The following MAP7 variants were observed in gnomAD, a reference collection of about 807,000 sequenced individuals.
The protein encoded by MAP7 is microtubule associated protein 7.
A neutral mutation model predicts 94.8 loss-of-function variants in MAP7; 52 were observed. That is an observed-to-expected ratio of 0.55 (90% CI 0.44 to 0.69). The LOEUF is 0.69. Among genes scored for constraint, MAP7 ranks in the 30% least tolerant of loss-of-function variants. The pLI, the probability that MAP7 is intolerant of heterozygous loss-of-function variation, is 0.00. For missense variants in MAP7, 940 were observed against 964.6 expected, an observed-to-expected ratio of 0.97 and a Z score of 0.34; for synonymous variants, 350 against 357.0, an observed-to-expected ratio of 0.98 and a Z score of 0.22.
At chr6:136,488,501 G>A (rs982718282) in intron 1 of MAP7, among the ~76,000 whole-genome samples, 3 of 150,506 alleles carry the variant, frequency 2.0e-5, no homozygotes, top group African/African-American at 7.4e-5. Context: ...CTGGAGAGTG[G>A]TGGTGCGATC....
At chr6:136,418,808 G>A (rs982744387) in intron 2 of MAP7, among the ~76,000 whole-genome samples, 1 of 151,822 alleles carries the variant, frequency 6.6e-6, no homozygotes, top group Non-Finnish European at 1.5e-5. Context: ...ACATTCCTAT[G>A]ACCCGTATCC....
At chr6:136,360,940 C>A in intron 12 of MAP7, 65 bp downstream of exon 12, 1 of 1,546,686 alleles carries the variant, frequency 6.5e-7, no homozygotes, top group Non-Finnish European at 8.7e-7. Context: ...CCGCACCCTC[C>A]TCTGCTGGGC....
Position 136,344,152 on chromosome 6 carries a change from T to C in MAP7, c.*76A>G. On this transcript the variant is annotated 3_prime_UTR_variant, in exon 18 of 18. Transcript: ENST00000354570. ...AGAAAACGGGTGGAGGGGATGCTCCTTTATAGCAGGAAAGGAATTCCATTA... is the reference window on the plus strand; with the variant it reads ...AGAAAACGGGTGGAGGGGATGCTCCCTTATAGCAGGAAAGGAATTCCATTA... 2 of 755,672 alleles carry C rather than the reference T, an allele frequency of 2.6e-6. No homozygotes were observed. The allele number at this position is 755,672 out of a possible 1,614,324, so 46.8% of individuals were successfully genotyped here. A position where few individuals can be genotyped will look rare whatever the true frequency, so the allele number is the denominator to read the frequency against.
chr6:136,424,852 G>A (rs1792660746), intron 1 of MAP7, among the ~76,000 whole-genome samples: 1 of 152,200 alleles, frequency 6.6e-6, no homozygotes, highest in Non-Finnish European at 1.5e-5. Flanking sequence ...ATAATATGGG[G>A]ACTTGACATC....
intron 1 of MAP7, among the ~76,000 whole-genome samples, chr6:136,525,541 T>C (rs1827588542): frequency 1.3e-5 from 2 of 152,188 alleles, no homozygotes; most frequent in South Asian, 2.1e-4. Flanking sequence ...ACAGAGTGAC[T>C]GGTCACTGCT....
intron 1 of MAP7, among the ~76,000 whole-genome samples, chr6:136,468,157 C>G (rs1000691039): frequency 6.6e-6 from 1 of 152,168 alleles, no homozygotes; most frequent in Non-Finnish European, 1.5e-5. Flanking sequence ...TGGGCAACAC[C>G]TTGCGTGCAT....
chr6:136,358,652 T>C (rs570813462), intron 15 of MAP7, among the ~76,000 whole-genome samples: 11 of 152,318 alleles, frequency 7.2e-5, no homozygotes, highest in East Asian at 1.9e-4. Context: ...ACATAAACCG[T>C]TGGATTTGAT....
chr6:136,462,895 G>C (rs1805704581), intron 1 of MAP7, among the ~76,000 whole-genome samples: 2 of 149,296 alleles, frequency 1.3e-5, no homozygotes. Flanking sequence ...CTGGGAGGCA[G>C]AGGTTGCAGT....
intron 1 of MAP7, among the ~76,000 whole-genome samples, chr6:136,429,857 G>A (rs1582888499): frequency 2.0e-5 from 3 of 152,186 alleles, no homozygotes; most frequent in Admixed American, 6.5e-5. Flanking sequence ...TTCCCCTTGC[G>A]TTAATATAAA....
Position 136,472,989 on chromosome 6 carries a change from C to T in MAP7, c.68-51190G>A, listed in dbSNP as rs1424235276. Among the ~76,000 whole-genome samples the T allele has an allele frequency of 2.0e-5, 3 of 152,168 alleles. No homozygotes were observed. In the South Asian group the frequency reaches 6.2e-4, roughly 31 times the overall value. ...AAGAATTATTCCCATTCCCAGATATCCCATGGTTTTACAGAATGGATGCAC... is the reference window on the plus strand; with the variant it reads ...AAGAATTATTCCCATTCCCAGATATTCCATGGTTTTACAGAATGGATGCAC... On this transcript the variant is annotated intron_variant, in intron 1 of 17. Coordinates refer to ENST00000354570, the MANE Select transcript of MAP7 (RefSeq NM_003980.6).
At chr6:136,454,666 A>T (rs1192047331) in intron 1 of MAP7, among the ~76,000 whole-genome samples, 2 of 151,086 alleles carry the variant, frequency 1.3e-5, no homozygotes, top group Non-Finnish European at 3.0e-5. Context: ...GCATTTTGGG[A>T]GGCTGAGGCG....
chr6:136,352,831 C>T (rs1789614619), intron 16 of MAP7, among the ~76,000 whole-genome samples: 1 of 152,228 alleles, frequency 6.6e-6, no homozygotes, highest in South Asian at 2.1e-4. Flanking sequence ...AACCTTGAAA[C>T]TGCAAAGAGC....
Position 136,409,595 on chromosome 6 carries a change from C to A in MAP7, c.244+2025G>T, listed in dbSNP as rs1397280232. 2.6e-5 allele frequency among the ~76,000 whole-genome samples: 4 copies of A among 152,324 alleles called. No homozygotes were observed. In the East Asian group the frequency reaches 5.8e-4, roughly 22 times the overall value. On this transcript the variant is annotated intron_variant, in intron 3 of 17. Transcript: ENST00000354570. ...TGCACATTGCTGTATAATGCCTGCT[C>A]TTCTATCCCTTTGAAAGGCTCCTTT...
intron 1 of MAP7, among the ~76,000 whole-genome samples, chr6:136,480,656 A>G (rs1812534947): frequency 6.7e-6 from 1 of 150,278 alleles, no homozygotes; most frequent in Non-Finnish European, 1.5e-5. Flanking sequence ...AAAAAAAAAA[A>G]AAAAAAAAAA....
chr6:136,378,437 AAG>A (rs767024947), intron 6 of MAP7, among the ~76,000 whole-genome samples: 4 of 152,218 alleles, frequency 2.6e-5, no homozygotes, highest in Non-Finnish European at 5.9e-5. Flanking sequence ...AAAATGAAAG[AAG>A]ATTCGTGCAA....
At chr6:136,380,598 A>G (rs950634427) in intron 6 of MAP7, among the ~76,000 whole-genome samples, 1 of 152,214 alleles carries the variant, frequency 6.6e-6, no homozygotes, top group African/African-American at 2.4e-5. Context: ...ACTTCCTAAT[A>G]TTCTTTCTTG....
At chr6:136,359,683 G>T in intron 15 of MAP7, 137 bp downstream of exon 15, 1 of 771,136 alleles carries the variant, frequency 1.3e-6, no homozygotes, top group South Asian at 1.8e-5. Context: ...AGGACTCGAT[G>T]ACAGACCCCT....
chr6:136,407,989 A>G (rs1387754787), intron 3 of MAP7, among the ~76,000 whole-genome samples: 1 of 152,196 alleles, frequency 6.6e-6, no homozygotes, highest in Admixed American at 6.5e-5. Flanking sequence ...ACAGAAGTAG[A>G]GTTTCGGGAA....
intron 15 of MAP7, among the ~76,000 whole-genome samples, chr6:136,357,347 T>C (rs561578147): frequency 3.2e-4 from 49 of 152,348 alleles, no homozygotes; most frequent in African/African-American, 1.2e-3. Context: ...CACTTTAAGC[T>C]GACAATATTG....
Sources: gnomAD v4.1 joint callset for allele counts (sites outside exome capture counted in the v4.1 genomes callset) on GRCh38, gnomAD v4.1.1 for gene constraint, MANE v1.5 for transcripts, NCBI Gene and HGNC (gene_info 2026-07-23, HGNC 2026-07-21) for gene names.